CDH13: variants seen among roughly 807,000 people sequenced by gnomAD.
The protein encoded by CDH13 is cadherin 13.
CDH13 carries 24 observed loss-of-function variants against 63.8 expected under a neutral mutation model. The ratio of observed to expected loss-of-function variants is 0.38; its 90% CI spans 0.27 to 0.53. The LOEUF is 0.53. Among genes scored for constraint, CDH13 ranks in the 20% least tolerant of loss-of-function variants. The pLI, the probability that CDH13 is intolerant of heterozygous loss-of-function variation, is 0.85. For missense variants in CDH13, 1,049 were observed against 903.1 expected (o/e 1.16, Z -2.07); for synonymous variants, 503 against 355.3 (o/e 1.42, Z -4.67).
At chr16:83,479,974 A>G (rs2073719080) in intron 6 of CDH13, among the ~76,000 whole-genome samples, 1 of 152,220 alleles carries the variant, frequency 6.6e-6, no homozygotes, top group African/African-American at 2.4e-5. Flanking sequence ...AGAGGCTCAG[A>G]GAGCATTGAT....
intron 3 of CDH13, among the ~76,000 whole-genome samples, chr16:83,099,070 G>GCACATACACACCCACACA (rs1436471570): frequency 2.0e-5 from 3 of 151,774 alleles, no homozygotes; most frequent in Non-Finnish European, 2.9e-5. Context: ...ACATATATAT[G>GCACATACACACCCACACA]CACATACACA....
At chr16:83,333,782 A>C (rs917805058) in intron 5 of CDH13, among the ~76,000 whole-genome samples, 2 of 152,208 alleles carry the variant, frequency 1.3e-5, no homozygotes, top group Admixed American at 1.3e-4. Context: ...TGCCCAGGAC[A>C]GCTTTGGTTT....
Position 83,263,887 on chromosome 16 carries a change from A to T in CDH13, c.636+46390A>T, listed in dbSNP as rs575329554. On this transcript the variant is annotated intron_variant, in intron 5 of 13. Coordinates refer to ENST00000567109, the MANE Select transcript of CDH13 (RefSeq NM_001257.5). ...ACTTGCCACTGAGGCTGAATTTTTT[A>T]AAAAAAATAATGATAGCAGAAACAC... is the stretch of plus-strand genomic sequence containing the variant. 3.4e-3 allele frequency among the ~76,000 whole-genome samples: 518 copies of T among 152,200 alleles called. 4 individuals carry two copies. The highest frequency in any genetic ancestry group is 0.012 in the African/African-American group (483 of 41,522).
At chr16:83,348,425 A>G (rs1017981060) in intron 6 of CDH13, among the ~76,000 whole-genome samples, 9 of 152,312 alleles carry the variant, frequency 5.9e-5, no homozygotes, top group African/African-American at 1.7e-4. Context: ...GTCACCACTC[A>G]TGTCACTTTT....
intron 1 of CDH13, among the ~76,000 whole-genome samples, chr16:82,700,108 G>C (rs1052758911): frequency 6.6e-6 from 1 of 152,156 alleles, no homozygotes; most frequent in Admixed American, 6.5e-5. Context: ...TGCTGAGAAG[G>C]GTTATAGCAT....
chr16:82,795,194 C>T (rs555942304), intron 1 of CDH13, among the ~76,000 whole-genome samples: 1 of 152,282 alleles, frequency 6.6e-6, no homozygotes, highest in South Asian at 2.1e-4. Flanking sequence ...TCTGAGAGTT[C>T]TAGTCATGGA....
intron 2 of CDH13, among the ~76,000 whole-genome samples, chr16:83,010,956 A>G (rs934959922): frequency 2.0e-5 from 3 of 152,230 alleles, no homozygotes; most frequent in African/African-American, 4.8e-5. Flanking sequence ...TTTTCTTTCC[A>G]GAGCACTTAG....
intron 11 of CDH13, among the ~76,000 whole-genome samples, chr16:83,757,464 G>C (rs939620585): frequency 2.0e-5 from 3 of 152,132 alleles, no homozygotes; most frequent in Non-Finnish European, 4.4e-5. Flanking sequence ...TGTAATCTCA[G>C]TTACTTGGGA....
At chr16:83,433,900 G>C (rs2072204961) in intron 6 of CDH13, among the ~76,000 whole-genome samples, 1 of 152,080 alleles carries the variant, frequency 6.6e-6, no homozygotes, top group Non-Finnish European at 1.5e-5. Context: ...CTAAAAATAT[G>C]AATTATGCTT....
chr16:83,652,934 A>G (rs1002728499), intron 8 of CDH13, among the ~76,000 whole-genome samples: 1 of 152,220 alleles, frequency 6.6e-6, no homozygotes, highest in South Asian at 2.1e-4. Context: ...GAAACAAAAC[A>G]TGGTCCATCC....
intron 1 of CDH13, among the ~76,000 whole-genome samples, chr16:82,648,421 T>A (rs1264412678): frequency 6.6e-6 from 1 of 152,190 alleles, no homozygotes; most frequent in Non-Finnish European, 1.5e-5. Flanking sequence ...TAGGTTAGAT[T>A]TCCAGCAAAT....
chr16:82,663,481 A>T (rs986868417), intron 1 of CDH13, among the ~76,000 whole-genome samples: 2 of 151,980 alleles, frequency 1.3e-5, no homozygotes, highest in Non-Finnish European at 2.9e-5. Flanking sequence ...CACCATGCCC[A>T]GCCACCGCCA....
At chr16:83,578,724 T>C (rs1465056001) in intron 7 of CDH13, among the ~76,000 whole-genome samples, 1 of 152,190 alleles carries the variant, frequency 6.6e-6, no homozygotes, top group Non-Finnish European at 1.5e-5. Flanking sequence ...ACCTTACAGA[T>C]TGGCACAATT....
At chr16:83,429,511 G>GACACACACACACAC (rs71148834) in intron 6 of CDH13, among the ~76,000 whole-genome samples, 2 of 149,024 alleles carry the variant, frequency 1.3e-5, no homozygotes, top group Non-Finnish European at 3.0e-5. Context: ...AGACAATGAA[G>GACACACACACACAC]ACACACACAC....
Position 83,045,536 on chromosome 16 carries a change from C to G in CDH13, c.366+13318C>G, listed in dbSNP as rs1377256456. Among the ~76,000 whole-genome samples the G allele has an allele frequency of 2.7e-5, 4 of 149,740 alleles. No homozygotes were observed. The East Asian group carries it at 7.9e-4, about 29-fold the overall frequency. On this transcript the variant is annotated intron_variant, in intron 3 of 13. Transcript: ENST00000567109. The stretch of plus-strand genomic sequence containing the variant: ...CCTGTAATCCCAGCTACTTGGGAGG[C>G]TGAGGCAGGAGAATCGCTCGAACTC...
intron 2 of CDH13, among the ~76,000 whole-genome samples, chr16:82,988,042 C>G (rs1314957088): frequency 6.6e-6 from 1 of 152,230 alleles, no homozygotes; most frequent in Non-Finnish European, 1.5e-5. Context: ...ACTGCCACTG[C>G]CAATTGAAGC....
intron 3 of CDH13, among the ~76,000 whole-genome samples, chr16:83,107,705 A>G (rs572157613): frequency 1.3e-5 from 2 of 149,916 alleles, no homozygotes; most frequent in Admixed American, 6.6e-5. Flanking sequence ...ATTCTGGAGC[A>G]TTTGCGTAGT....
chr16:83,101,898 C>T (rs4411488), intron 3 of CDH13, among the ~76,000 whole-genome samples: 1 of 152,056 alleles, frequency 6.6e-6, no homozygotes, highest in South Asian at 2.1e-4. Flanking sequence ...AAGACAGAAC[C>T]AAGGCCCCAG....
intron 2 of CDH13, chr16:82,926,089 T>G (rs2042296462): frequency 6.6e-6 from 1 of 152,172 alleles, no homozygotes; most frequent in South Asian, 2.1e-4. Context: ...AGCTTTATCT[T>G]GCATAAATGG....
Sources: allele counts gnomAD v4.1 joint callset (sites outside exome capture counted in the v4.1 genomes callset), GRCh38; gene constraint gnomAD v4.1.1; transcripts MANE v1.5; gene names NCBI Gene and HGNC (gene_info 2026-07-23, HGNC 2026-07-21).